SLC35B1: variants seen among roughly 807,000 people sequenced by gnomAD.
SLC35B1 encodes ATP/ADP exchanger ER.
A neutral mutation model predicts 36.6 loss-of-function variants in SLC35B1; 27 were observed. That is an observed-to-expected ratio of 0.74 (90% CI 0.54 to 1.02). The LOEUF is 1.02. SLC35B1 is among the 50% of genes least tolerant of loss of function. The probability of loss-of-function intolerance (pLI) is 0.00; values close to 1 mark genes in which losing one functional copy is unlikely to be tolerated. For missense variants in SLC35B1, 321 were observed against 383.2 expected (o/e 0.84, Z 1.35); for synonymous variants, 162 against 152.5 (o/e 1.06, Z -0.46).
chr17:49,703,628 T>A, intron 6 of SLC35B1: 1 of 351,444 alleles, frequency 2.8e-6, no homozygotes, highest in South Asian at 2.5e-5. Flanking sequence ...GCCCCTCGCA[T>A]TAGTCACCTT....
chr17:49,702,024 T>A (rs2073357902), intron 8 of SLC35B1: 1 of 254,044 alleles, frequency 3.9e-6, no homozygotes, highest in Non-Finnish European at 8.3e-6. Context: ...GTCCAGGAGA[T>A]CAAGGTTGCA....
At position 49,707,914 on chromosome 17, in the gene SLC35B1, G is replaced by C; in HGVS notation, c.-81C>G. The stretch of plus-strand genomic sequence containing the variant: ...GGCGGCGGAGGCGACAGCTCCAGCC[G>C]GACATCGCCGACCGGCGGCAGGGGC... On this transcript the variant is annotated 5_prime_UTR_variant, in exon 1 of 9. Coordinates refer to ENST00000240333, the MANE Select transcript of SLC35B1 (RefSeq NM_005827.4). 1 of 1,581,324 alleles carries C rather than the reference G, an allele frequency of 6.3e-7. No homozygotes were observed. The highest frequency in any genetic ancestry group is 8.6e-7 in the Non-Finnish European group (1 of 1,164,026).
rs2073387513 is a variant in SLC35B1, at chr17:49,704,238, A to G, written c.529-12T>C. On this transcript the variant is annotated splice_polypyrimidine_tract_variant and intron_variant, in intron 5 of 8. Coordinates refer to ENST00000240333, the MANE Select transcript of SLC35B1 (RefSeq NM_005827.4). ...GTCAGCGATAATAGCTGGGAAAGAA[A>G]GGGTGCAGCCTGCAGTGAAGTGGCC... The G allele has an allele frequency of 6.2e-7, 1 of 1,612,268 alleles. No homozygotes were observed. Among genetic ancestry groups the G allele is most frequent in the Non-Finnish European group, 8.5e-7 (1 of 1,179,594 alleles).
chr17:49,708,157 C>G (rs776976864), upstream of SLC35B1: 1 of 686,002 alleles, frequency 1.5e-6, no homozygotes, highest in South Asian at 1.5e-5. Context: ...AATCAGGCAA[C>G]TCTGAGGACA....
In SLC35B1 at chr17:49,702,955, A is replaced by G. The variant is rs1598008276; in HGVS notation, c.819T>C (p.Thr273=). The change falls in exon 8 of 9, where the codon ACT becomes ACC. Residue 273 remains threonine, a synonymous_variant. Coordinates refer to ENST00000240333, the MANE Select transcript of SLC35B1 (RefSeq NM_005827.4). The part of the protein sequence containing the change: ...YFGPLTCSII[T]TTRKFFTILA... The stretch of plus-strand genomic sequence containing the variant: ...AAATTGTGAAGAACTTTCGAGTTGT[A>G]GTGATGATGGAGCAGGTCAGGGGAC... The G allele has an allele frequency of 1.9e-6, 3 of 1,614,016 alleles. No homozygotes were observed. In the African/African-American group the frequency reaches 4.0e-5, roughly 22 times the overall value.
intron 1 of SLC35B1, 192 bp from the exon 2 acceptor site, chr17:49,707,260 C>T: frequency 2.1e-6 from 3 of 1,445,798 alleles, no homozygotes; most frequent in Non-Finnish European, 2.8e-6. Context: ...GACATCCCAG[C>T]CTACTGATTC....
chr17:49,705,705 G>C (rs1489885599), intron 4 of SLC35B1, 161 bp downstream of exon 4: 1 of 738,068 alleles, frequency 1.4e-6, no homozygotes, highest in Non-Finnish European at 2.4e-6. Context: ...ATCACAAGAA[G>C]TGACACAGAT....
chr17:49,703,882 T>G (rs1241270163), intron 6 of SLC35B1: 2 of 523,574 alleles, frequency 3.8e-6, no homozygotes, highest in African/African-American at 3.8e-5. Context: ...CCATGACAAC[T>G]GACACACGAC....
Position 49,706,215 on chromosome 17 carries a change from A to G in SLC35B1, c.328T>C (p.Tyr110His). Residue 110 changes from tyrosine to histidine, a missense_variant, in exon 3 of 9, where the codon TAC becomes CAC. Transcript: ENST00000240333. ...CCCTGAGGTTTCACCTGAGTTGGGT[A>G]GTTGACAAACTGTAGTGCTGAATTG... Reference protein sequence around the residue: ...SSNSALQFVNYPTQVLGKSCK... With the variant: ...SSNSALQFVNHPTQVLGKSCK... 1 of 1,602,480 alleles carries G rather than the reference A, an allele frequency of 6.2e-7. No individual in the cohort carries two copies. The highest frequency in any genetic ancestry group is 8.5e-7 in the Non-Finnish European group (1 of 1,176,976).
At chr17:49,703,861 T>C (rs1185371090) in intron 6 of SLC35B1, 2 of 482,944 alleles carry the variant, frequency 4.1e-6, no homozygotes, top group Non-Finnish European at 7.6e-6. Flanking sequence ...GTTTTACTAC[T>C]GAGTGTCTTC....
At chr17:49,703,324 G>T in intron 6 of SLC35B1, 30 bp from the exon 7 acceptor site, 2 of 1,364,310 alleles carry the variant, frequency 1.5e-6, no homozygotes, top group Non-Finnish European at 2.1e-6. Flanking sequence ...AATGTACGGC[G>T]CATTTTGTGC....
chr17:49,703,450 C>T (rs1407768771), intron 6 of SLC35B1, 156 bp from the exon 7 acceptor site: 21 of 602,938 alleles, frequency 3.5e-5, no homozygotes, highest in Non-Finnish European at 5.7e-5. Flanking sequence ...TGTGGGTTTG[C>T]ATCGTCTCAT....
chr17:49,705,065 A>C lies in SLC35B1; in HGVS notation c.528+59T>G, dbSNP rs554075589. ...AACTGGCCTTCTACCTGCCTAGGTG[A>C]GACTATCCTTTGGTTAAGTTTGCTG... On this transcript the variant is annotated intron_variant, in intron 5 of 8. Coordinates refer to ENST00000240333, the MANE Select transcript of SLC35B1 (RefSeq NM_005827.4). 6 of 1,579,278 alleles carry C rather than the reference A, an allele frequency of 3.8e-6. No individual in the cohort carries two copies. In the African/African-American group the frequency reaches 8.1e-5, roughly 21 times the overall value.
chr17:49,701,283 C>CT lies in SLC35B1; in HGVS notation c.*174dup. On this transcript the variant is annotated 3_prime_UTR_variant, in exon 9 of 9. Coordinates refer to ENST00000240333, the MANE Select transcript of SLC35B1 (RefSeq NM_005827.4). ...GGCATGAAGAACAAAAACCACCACT[C>CT]TGTCTTGTTAAAATCCAAGTGCATT... 1 of 589,930 alleles carries CT rather than the reference C, an allele frequency of 1.7e-6. No homozygotes were observed. Among genetic ancestry groups the CT allele is most frequent in the Middle Eastern group, 4.6e-4 (1 of 2,158 alleles). 36.5% of individuals were successfully genotyped at this position (589,930 alleles called of 1,614,324 possible).
At chr17:49,705,731 A>C in intron 4 of SLC35B1, 135 bp downstream of exon 4, 1 of 818,888 alleles carries the variant, frequency 1.2e-6, no homozygotes, top group Non-Finnish European at 2.1e-6. Context: ...GATGGGCAGC[A>C]GGGAGAGCTG....
upstream of SLC35B1, chr17:49,707,976 C>T (rs949117840): frequency 2.6e-6 from 4 of 1,524,478 alleles, no homozygotes; most frequent in African/African-American, 2.8e-5. Context: ...TCCAGCAGGG[C>T]CCAGCAGTCA....
At chr17:49,701,552 A>G in intron 8 of SLC35B1, 42 bp from the exon 9 acceptor site, 1 of 1,567,232 alleles carries the variant, frequency 6.4e-7, no homozygotes, top group Non-Finnish European at 8.8e-7. Context: ...ATGGGGGGAA[A>G]TGAAACTTAC....
At position 49,706,996 on chromosome 17, in the gene SLC35B1, T is replaced by C. The variant is rs148904949; in HGVS notation, c.177A>G (p.Gln59=). Residue 59 remains glutamine, a synonymous_variant, in exon 2 of 9, where the codon CAA becomes CAG. Transcript: ENST00000240333. The stretch of plus-strand genomic sequence containing the variant: ...TGGCAAACACAGCATTGATCACACA[T>C]TGAATGAAGACCAAAGTTAAGGCAA... ...FTFALTLVFI[Q]CVINAVFAKI... 354 of 1,613,906 alleles carry C rather than the reference T, an allele frequency of 2.2e-4. No individual in the cohort carries two copies. Among genetic ancestry groups the C allele is most frequent in the Non-Finnish European group, 2.6e-4 (311 of 1,179,966 alleles).
chr17:49,703,768 T>G, intron 6 of SLC35B1: 1 of 360,812 alleles, frequency 2.8e-6, no homozygotes, highest in Non-Finnish European at 5.3e-6. Flanking sequence ...CTGTCTTCAG[T>G]GTACAGCTAA....
Sources: gnomAD v4.1 joint callset for allele counts on GRCh38, gnomAD v4.1.1 for gene constraint, MANE v1.5 for transcripts, NCBI Gene and HGNC (gene_info 2026-07-23, HGNC 2026-07-21) for gene names.